ADAMTS7: variants seen among roughly 807,000 people sequenced by gnomAD.
ADAMTS7 encodes A disintegrin and metalloproteinase with thrombospondin motifs 7.
A neutral mutation model predicts 172.6 loss-of-function variants in ADAMTS7; 89 were observed. The ratio of observed to expected loss-of-function variants is 0.52; its 90% confidence interval spans 0.43 to 0.61. The LOEUF is 0.61. Ranked by LOEUF, ADAMTS7 falls within the 20% of genes least tolerant of loss-of-function variation. The probability of loss-of-function intolerance (pLI) is 0.00; values close to 1 mark genes in which losing one functional copy is unlikely to be tolerated. For synonymous variants in ADAMTS7, 885 were observed against 978.4 expected (o/e 0.90, Z 1.78); for missense variants, 1,973 against 2,355.6 (o/e 0.84, Z 3.36).
rs745954733 is a variant in ADAMTS7, at chr15:78,789,670, A to T, written c.1178+19T>A. On this transcript the variant is annotated intron_variant, in intron 7 of 23. Coordinates refer to ENST00000388820, the MANE Select transcript of ADAMTS7 (RefSeq NM_014272.5). ...GTGAAGCTCGGCTCTCAGTGTAGCAATGGGGGCAGGCACAGTACCTGTGCC... is the reference window on the plus strand; with the variant it reads ...GTGAAGCTCGGCTCTCAGTGTAGCATTGGGGGCAGGCACAGTACCTGTGCC... 3.1e-6 allele frequency: 5 copies of T among 1,613,330 alleles called. No individual in the cohort carries two copies. Among genetic ancestry groups the T allele is most frequent in the Non-Finnish European group, 3.4e-6 (4 of 1,179,804 alleles).
rs1043054694 is a variant in ADAMTS7, at chr15:78,811,320, C to A, written c.-100G>T. On this transcript the variant is annotated 5_prime_UTR_variant, in exon 1 of 24. Coordinates refer to ENST00000388820, the MANE Select transcript of ADAMTS7 (RefSeq NM_014272.5). ...CAGGTCCGGCTCAGGACATGCCCGG[C>A]CGGCGTGCAGCTCCCGGCGACCCGG... 1.3e-5 allele frequency: 15 copies of A among 1,198,984 alleles called. No homozygotes were observed. The highest frequency in any genetic ancestry group is 1.6e-5 in the Non-Finnish European group (15 of 964,044). The allele number at this position is 1,198,984 out of a possible 1,614,324, so 74.3% of individuals were successfully genotyped here. A position where few individuals can be genotyped will look rare whatever the true frequency, so the allele number is the denominator to read the frequency against.
intron 8 of ADAMTS7, among the ~76,000 whole-genome samples, chr15:78,783,383 C>T (rs1485767749): frequency 1.3e-5 from 2 of 152,194 alleles, no homozygotes; most frequent in Non-Finnish European, 2.9e-5. Flanking sequence ...GATTCTCCTG[C>T]CTCAGCCTCC....
chr15:78,771,403 A>G lies in ADAMTS7; in HGVS notation c.2377-100T>C, dbSNP rs3825815. 6.3e-7 allele frequency: 1 copy of G among 1,581,692 alleles called. No homozygotes were observed. On this transcript the variant is annotated intron_variant, in intron 15 of 23. Transcript: ENST00000388820. This position sits in a 1 kb window ranked among gnomAD's most constrained non-coding sequence, Gnocchi z 4.9. ...GCCACCTCTGTGAACTGCAGCTACA[A>G]GATTGGGCCATTTTAAAGATGGGGA... is the stretch of plus-strand genomic sequence containing the variant.
chr15:78,789,942 G>C, intron 6 of ADAMTS7, 104 bp from the exon 7 acceptor site: 1 of 1,443,180 alleles, frequency 6.9e-7, no homozygotes, highest in Non-Finnish European at 9.3e-7. Context: ...CAAGCGAAAA[G>C]GATGTCTCTC....
intron 8 of ADAMTS7, among the ~76,000 whole-genome samples, chr15:78,780,501 G>T: frequency 6.6e-6 from 1 of 151,832 alleles, no homozygotes; most frequent in Non-Finnish European, 1.5e-5. Flanking sequence ...AGAAATGCTG[G>T]CTTTGAGGAA....
intron 11 of ADAMTS7, among the ~76,000 whole-genome samples, chr15:78,775,206 A>C (rs1450571864): frequency 1.3e-5 from 2 of 152,200 alleles, no homozygotes; most frequent in Non-Finnish European, 2.9e-5. Flanking sequence ...CCAGCATCCT[A>C]ACGAGCCCTT....
rs1046827741 is a variant in ADAMTS7 at position 78,764,690 on chromosome 15, G to A, written c.4284C>T (p.Gly1428=). The A allele has an allele frequency of 6.4e-7, 1 of 1,551,276 alleles. No individual in the cohort carries two copies. Among genetic ancestry groups the A allele is most frequent in the South Asian group, 1.2e-5 (1 of 83,362 alleles). ...GCACCGGCCTCCAGACCGCACCCAG[G>A]CCACAGGTGGTAGAGCACTGCGGGG... ...GNWSECSTTC[G]LGAVWRPVRC... The change falls in exon 20 of 24, where the codon GGC becomes GGT. Residue 1428 remains glycine, a synonymous_variant. Coordinates refer to ENST00000388820, the MANE Select transcript of ADAMTS7 (RefSeq NM_014272.5).
chr15:78,803,732 C>T (rs1435389134), intron 1 of ADAMTS7, among the ~76,000 whole-genome samples: 1 of 152,190 alleles, frequency 6.6e-6, no homozygotes, highest in Non-Finnish European at 1.5e-5. Flanking sequence ...GGATTACAGG[C>T]GTGAGCCACT....
At chr15:78,804,523 C>T (rs2055764649) in intron 1 of ADAMTS7, among the ~76,000 whole-genome samples, 2 of 152,222 alleles carry the variant, frequency 1.3e-5, no homozygotes, top group Non-Finnish European at 2.9e-5. Flanking sequence ...CACCAGGGTT[C>T]CTTCTGCTGC....
Position 78,800,249 on chromosome 15 carries a change from C to G in ADAMTS7, c.399G>C (p.Glu133Asp), listed in dbSNP as rs1295396064. The change falls in exon 2 of 24, where the codon GAG (glutamate) becomes GAC (aspartate). Residue 133 changes from glutamate (E) to aspartate (D), a missense_variant. This residue lies in a region of ADAMTS7 where 306 missense variants were observed against 288.0 expected (regional missense o/e 1.06). Coordinates refer to ENST00000388820, the MANE Select transcript of ADAMTS7 (RefSeq NM_014272.5). ...CACCCTCGAGCTCAGGGTCCTGCACCTCGCCAAGCAGGTGGCAGGCCGGGG... is the reference window on the plus strand; with the variant it reads ...CACCCTCGAGCTCAGGGTCCTGCACGTCGCCAAGCAGGTGGCAGGCCGGGG... Reference protein sequence around the residue: ...AHTPACHLLGEVQDPELEGGL... With the variant: ...AHTPACHLLGDVQDPELEGGL... 2 of 1,595,336 alleles carry G rather than the reference C, an allele frequency of 1.3e-6. No homozygotes were observed. The highest frequency in any genetic ancestry group is 1.7e-6 in the Non-Finnish European group (2 of 1,178,688).
rs576244021 is a variant in ADAMTS7 at position 78,799,532 on chromosome 15, A to G, written c.456+660T>C. 7.2e-4 allele frequency among the ~76,000 whole-genome samples: 95 copies of G among 131,316 alleles called. 5 individuals are homozygous for G. The highest frequency in any genetic ancestry group is 2.3e-3 in the African/African-American group (92 of 39,904). The allele number at this position is 131,316 out of a possible 152,430, so 86.1% of individuals were successfully genotyped here. A position where few individuals can be genotyped will look rare whatever the true frequency, so the allele number is the denominator to read the frequency against. On this transcript the variant is annotated intron_variant, in intron 2 of 23. Coordinates refer to ENST00000388820, the MANE Select transcript of ADAMTS7 (RefSeq NM_014272.5). ...AAAGGGGTTCCTCACCACACCCTGC[A>G]TAATGGCTACAGGGTGAGGGGTAGC...
chr15:78,789,998 C>A (rs527369986), intron 6 of ADAMTS7, among the ~76,000 whole-genome samples, 160 bp from the exon 7 acceptor site: 1 of 152,368 alleles, frequency 6.6e-6, no homozygotes, highest in East Asian at 1.9e-4. Flanking sequence ...GCTTGGGAAG[C>A]AGGTGCTCTC....
intron 19 of ADAMTS7, 118 bp from the exon 20 acceptor site, chr15:78,764,825 C>T (rs1317836234): frequency 1.1e-5 from 13 of 1,157,790 alleles, no homozygotes; most frequent in Non-Finnish European, 1.5e-5. Context: ...CTCTTCTGGG[C>T]CTCAGTTTCC....
chr15:78,790,634 G>A (rs1486526602), intron 6 of ADAMTS7, 36 bp downstream of exon 6: 2 of 1,609,990 alleles, frequency 1.2e-6, no homozygotes, highest in Non-Finnish European at 1.7e-6. Context: ...AGCACCTCCT[G>A]AGATGCAGGC....
In ADAMTS7 at chr15:78,776,223, G is replaced by A. The variant is rs139533770; in HGVS notation, c.1671C>T (p.Gly557=). 9.7e-4 allele frequency: 1,564 copies of A among 1,611,464 alleles called. 15 individuals carry two copies. The African/African-American group carries it at 0.018, about 19-fold the overall frequency. Residue 557 remains glycine (G), a synonymous_variant, in exon 11 of 24, where the codon GGC becomes GGT. Transcript: ENST00000388820. ...TGCACTGCCGCTCGGCGCTCTGTAC[G>A]CCCATGCCACAGCTCCGTGAGCAGA... is the stretch of plus-strand genomic sequence containing the variant. ...WSICSRSCGM[G]VQSAERQCTQ... is the part of the protein sequence containing the mutation.
rs1183682723 is a variant in ADAMTS7 at position 78,759,925 on chromosome 15, C to T, written c.4904-347G>A. Among the ~76,000 whole-genome samples the T allele has an allele frequency of 1.1e-4, 16 of 152,134 alleles. 1 individual carries two copies. The highest frequency in any genetic ancestry group is 1.4e-4 in the African/African-American group (6 of 41,416). ...CATCCTTGCTCATCCCTGGTGTTCC[C>T]GGACAGATCCTGGCACAGAACTGCG... On this transcript the variant is annotated intron_variant, in intron 23 of 23. Transcript: ENST00000388820.
chr15:78,762,656 C>G (rs1411231244), intron 22 of ADAMTS7, 91 bp from the exon 23 acceptor site: 6 of 1,072,302 alleles, frequency 5.6e-6, no homozygotes, highest in Non-Finnish European at 7.4e-6. Context: ...TCCCTGCGCC[C>G]TGTGCCTGAC....
intron 18 of ADAMTS7, 115 bp downstream of exon 18, chr15:78,767,264 C>T: frequency 1.5e-6 from 2 of 1,365,798 alleles, no homozygotes; most frequent in Admixed American, 2.0e-5. Flanking sequence ...GGGCTGGACC[C>T]TGGAATGCCC....
At chr15:78,770,406 A>C (rs1274209306) in intron 16 of ADAMTS7, among the ~76,000 whole-genome samples, 1 of 146,032 alleles carries the variant, frequency 6.8e-6, no homozygotes, top group Non-Finnish European at 1.5e-5. Context: ...AAAGGGGAGA[A>C]CTAAGAGACA....
Sources: allele counts gnomAD v4.1 joint callset (sites outside exome capture counted in the v4.1 genomes callset), GRCh38; gene constraint gnomAD v4.1.1; regional missense constraint gnomAD v4.1.1; non-coding constraint Gnocchi (gnomAD v3.1); transcripts MANE v1.5; gene names NCBI Gene and HGNC (gene_info 2026-07-23, HGNC 2026-07-21).